The following GATA4 variants were observed in gnomAD, a reference collection of about 807,000 sequenced individuals.
The protein encoded by GATA4 is transcription factor GATA-4.
GATA4 carries 7 observed loss-of-function variants against 37.9 expected under a neutral mutation model. The observed-to-expected ratio is 0.18, with a 90% CI of 0.11 to 0.35. The LOEUF is 0.35. GATA4 is among the 10% of genes least tolerant of loss of function. The pLI, the probability that GATA4 is intolerant of heterozygous loss-of-function variation, is 1.00. For synonymous variants in GATA4, 372 were observed against 292.6 expected (o/e 1.27, Z -2.77); for missense variants, 647 against 653.0 (o/e 0.99, Z 0.10).
intron 3 of GATA4, 39 bp from the exon 4 acceptor site, chr8:11,750,071 CT>C: frequency 6.2e-7 from 1 of 1,613,784 alleles, no homozygotes. Flanking sequence ...CAGTGCACAC[CT>C]TTTACTTGGA....
chr8:11,749,502 A>T lies in GATA4; in HGVS notation c.786+417A>T, dbSNP rs1802189489. On this transcript the variant is annotated intron_variant, in intron 3 of 6. Transcript: ENST00000532059. The surrounding 1 kb of genome is among the most constrained non-coding windows in gnomAD (Gnocchi z 4.6). ...CCCTGACCTCAGTTGATCAGTTGATAAATCCCAAAGCCCAGAAGTGCAAGC... is the reference window on the plus strand; with the variant it reads ...CCCTGACCTCAGTTGATCAGTTGATTAATCCCAAAGCCCAGAAGTGCAAGC... Among the ~76,000 whole-genome samples, 1 of 152,224 alleles carries T rather than the reference A, an allele frequency of 6.6e-6. No individual in the cohort carries two copies.
chr8:11,688,423 G>T (rs1380387440), upstream of GATA4, among the ~76,000 whole-genome samples: 2 of 152,082 alleles, frequency 1.3e-5, no homozygotes, highest in Admixed American at 6.5e-5. Flanking sequence ...CCACTGTAGG[G>T]GATTATAGAA....
chr8:11,750,066 C>T (rs1802224737), intron 3 of GATA4, 45 bp from the exon 4 acceptor site: 3 of 1,613,510 alleles, frequency 1.9e-6, no homozygotes, highest in Admixed American at 1.7e-5. Context: ...AAGGGCAGTG[C>T]ACACCTTTTA....
intron 2 of GATA4, among the ~76,000 whole-genome samples, chr8:11,717,787 C>A (rs1800501233): frequency 6.6e-6 from 1 of 152,214 alleles, no homozygotes; most frequent in South Asian, 2.1e-4. Context: ...ACGGAATCTT[C>A]CGTATCATTC....
chr8:11,680,387 A>C (rs1798918813), intron 1 of GATA4: 9 of 738,806 alleles, frequency 1.2e-5, no homozygotes, highest in Non-Finnish European at 1.5e-5. Context: ...CCTCGGATTC[A>C]TTGCCACTTT....
chr8:11,703,400 C>T (rs185481416), upstream of GATA4, among the ~76,000 whole-genome samples: 104 of 152,204 alleles, frequency 6.8e-4, no homozygotes, highest in African/African-American at 2.0e-3. Context: ...TGACACATTC[C>T]CCTCCCCCAT....
At chr8:11,737,625 G>T (rs1801526253) in intron 2 of GATA4, among the ~76,000 whole-genome samples, 1 of 152,218 alleles carries the variant, frequency 6.6e-6, no homozygotes, top group African/African-American at 2.4e-5. Flanking sequence ...GGCTCGCTGG[G>T]ACAGGAGCTA....
At chr8:11,723,289 G>A (rs370473950) in intron 2 of GATA4, among the ~76,000 whole-genome samples, 4 of 151,906 alleles carry the variant, frequency 2.6e-5, no homozygotes, top group South Asian at 2.1e-4. Context: ...CTGGGAGTTC[G>A]AGGCTGCAGT....
chr8:11,699,083 C>T lies in GATA4; in HGVS notation c.-728-1425C>T, dbSNP rs141863586. ...AATCATTCACCCAACACTTATTGAG[C>T]ACCTACTGTAATCCTTGCTTTGGGC... On this transcript the variant is annotated intron_variant, in intron 1 of 2. Coordinates refer to the GATA4 transcript ENST00000526974. Among the ~76,000 whole-genome samples, 965 of 152,360 alleles carry T rather than the reference C, an allele frequency of 6.3e-3. 7 individuals carry two copies. In the Middle Eastern group the frequency reaches 0.065, roughly 10 times the overall value.
At chr8:11,734,160 T>G (rs1801339131) in intron 2 of GATA4, among the ~76,000 whole-genome samples, 1 of 152,192 alleles carries the variant, frequency 6.6e-6, no homozygotes, top group South Asian at 2.1e-4. Flanking sequence ...AAAATATATC[T>G]CCTATATCCT....
chr8:11,749,410 T>C lies in GATA4; in HGVS notation c.786+325T>C, dbSNP rs1323624804. ...AGGTTTCCTGGTTCCCAGTCCAGTGTTGACTGGAGTGTCTCCTCCACCCAC... is the reference window on the plus strand; with the variant it reads ...AGGTTTCCTGGTTCCCAGTCCAGTGCTGACTGGAGTGTCTCCTCCACCCAC... On this transcript the variant is annotated intron_variant, in intron 3 of 6. Coordinates refer to ENST00000532059, the MANE Select transcript of GATA4 (RefSeq NM_001308093.3). The surrounding 1 kb of genome is among the most constrained non-coding windows in gnomAD (Gnocchi z 4.6). Among the ~76,000 whole-genome samples the C allele has an allele frequency of 6.6e-6, 1 of 152,122 alleles. No homozygotes were observed.
intron 2 of GATA4, among the ~76,000 whole-genome samples, chr8:11,717,455 T>A (rs373592574): frequency 6.6e-6 from 1 of 152,268 alleles, no homozygotes; most frequent in South Asian, 2.1e-4. Context: ...TCTGTTTTGC[T>A]GGAAAGAAAG....
chr8:11,699,425 C>T (rs1799599372), upstream of GATA4, among the ~76,000 whole-genome samples: 1 of 152,144 alleles, frequency 6.6e-6, no homozygotes, highest in South Asian at 2.1e-4. Context: ...GAAGAAAGGG[C>T]CCCTTACAGA....
intron 2 of GATA4, among the ~76,000 whole-genome samples, chr8:11,711,034 C>T (rs1273584219): frequency 6.6e-6 from 1 of 152,142 alleles, no homozygotes; most frequent in Non-Finnish European, 1.5e-5. Context: ...TCGGTTGAAC[C>T]CGGGAGGCGG....
At chr8:11,703,343 G>A (rs1326200381), upstream of GATA4, among the ~76,000 whole-genome samples, 2 of 152,090 alleles carry the variant, frequency 1.3e-5, no homozygotes, top group African/African-American at 2.4e-5. Context: ...TCGCAGCCCC[G>A]CTGCGCTGGG....
At chr8:11,757,457 G>C (rs998288012) in intron 6 of GATA4, among the ~76,000 whole-genome samples, 5 of 152,230 alleles carry the variant, frequency 3.3e-5, no homozygotes, top group Non-Finnish European at 7.3e-5. Flanking sequence ...ACCTGAATGA[G>C]ACTGCGTGCT....
At chr8:11,732,208 A>G (rs1274707851) in intron 2 of GATA4, among the ~76,000 whole-genome samples, 2 of 152,248 alleles carry the variant, frequency 1.3e-5, no homozygotes, top group Non-Finnish European at 2.9e-5. Context: ...CATGTGTAAT[A>G]AAAGACTGTA....
chr8:11,691,642 A>T (rs926074531), upstream of GATA4, among the ~76,000 whole-genome samples: 2 of 152,224 alleles, frequency 1.3e-5, no homozygotes, highest in African/African-American at 4.8e-5. Flanking sequence ...GCCTGTGGGC[A>T]TGGCAGTCCT....
At chr8:11,697,764 G>A in intron 1 of GATA4, 1 of 985,470 alleles carries the variant, frequency 1.0e-6, no homozygotes, top group Non-Finnish European at 1.2e-6. Flanking sequence ...GCGCCTGCCT[G>A]GGCGTCTTCT....
Sources: gnomAD v4.1 joint callset for allele counts (sites outside exome capture counted in the v4.1 genomes callset) on GRCh38, gnomAD v4.1.1 for gene constraint, Gnocchi (gnomAD v3.1) non-coding constraint, MANE v1.5 for transcripts, NCBI Gene and HGNC (gene_info 2026-07-23, HGNC 2026-07-21) for gene names.